Variants in SRI observed in about 807,000 individuals in gnomAD.
SRI encodes 22 kDa protein.
In SRI, 30 loss-of-function variants were observed where a neutral mutation model predicts 33.3. The ratio of observed to expected loss-of-function variants is 0.90; its 90% confidence interval spans 0.67 to 1.22. The LOEUF (loss-of-function observed/expected upper bound fraction) is 1.22. SRI is among the 50% of genes most tolerant of loss of function. The pLI is 0.00. For missense variants in SRI, 243 were observed against 250.8 expected, an observed-to-expected ratio of 0.97 and a Z score of 0.21; for synonymous variants, 75 against 89.9, an observed-to-expected ratio of 0.83 and a Z score of 0.94.
At chr7:88,222,140 A>C (rs1452097987), upstream of SRI, among the ~76,000 whole-genome samples, 1 of 142,480 alleles carries the variant, frequency 7.0e-6, no homozygotes, top group Non-Finnish European at 1.5e-5. Context: ...ATAATGCCGC[A>C]ATAAACATAC....
At chr7:88,222,363 T>A (rs1309845218), upstream of SRI, among the ~76,000 whole-genome samples, 1,809 of 146,266 alleles carry the variant, frequency 0.012, 39 homozygotes, top group African/African-American at 0.04. Flanking sequence ...TTTCCTGACT[T>A]TTTAATGATT....
chr7:88,215,067 C>A, intron 3 of SRI: 1 of 370,044 alleles, frequency 2.7e-6, no homozygotes. Context: ...AGGCTCTGAG[C>A]TGGAGTATCC....
intron 5 of SRI, 43 bp downstream of exon 5, chr7:88,209,940 T>TA: frequency 1.2e-6 from 2 of 1,613,596 alleles, no homozygotes; most frequent in East Asian, 2.2e-5. Flanking sequence ...AAAATCAACT[T>TA]ACTTCTACCA....
intron 7 of SRI, 136 bp downstream of exon 7, chr7:88,208,371 A>G (rs1223788725): frequency 7.0e-7 from 1 of 1,428,382 alleles, no homozygotes; most frequent in Admixed American, 2.8e-5. Context: ...CTGGATGATA[A>G]CTCTTTCTAA....
chr7:88,207,466 G>A (rs1306819010), intron 7 of SRI, among the ~76,000 whole-genome samples: 2 of 152,188 alleles, frequency 1.3e-5, no homozygotes, highest in Admixed American at 1.3e-4. Context: ...AATGGAGAAT[G>A]GAATATTCAG....
intron 3 of SRI, among the ~76,000 whole-genome samples, chr7:88,214,272 G>GT (rs1249680420): frequency 6.6e-6 from 1 of 152,336 alleles, no homozygotes; most frequent in East Asian, 1.9e-4. Context: ...CAGGCAAAGC[G>GT]TAAGTGAATA....
intron 3 of SRI, among the ~76,000 whole-genome samples, chr7:88,214,443 G>A (rs1851657634): frequency 1.3e-5 from 2 of 152,182 alleles, no homozygotes; most frequent in African/African-American, 4.8e-5. Flanking sequence ...CATCTTTTGT[G>A]AGAAGGATCT....
intron 3 of SRI, among the ~76,000 whole-genome samples, chr7:88,216,154 T>G (rs1482129063): frequency 3.3e-5 from 5 of 151,992 alleles, no homozygotes; most frequent in Non-Finnish European, 1.5e-5. Flanking sequence ...ATTTTTAAAT[T>G]TTTTGCAGAG....
intron 7 of SRI, 122 bp downstream of exon 7, chr7:88,208,385 T>C (rs1851484532): frequency 6.9e-7 from 1 of 1,452,114 alleles, no homozygotes; most frequent in Admixed American, 2.7e-5. Flanking sequence ...TTTCTAACTT[T>C]TGAATCCCTT....
intron 7 of SRI, 30 bp from the exon 8 acceptor site, chr7:88,206,534 A>C: frequency 2.5e-6 from 4 of 1,613,416 alleles, no homozygotes; most frequent in Non-Finnish European, 3.4e-6. Flanking sequence ...TATATGACAG[A>C]CCTCAAAGCA....
intron 3 of SRI, among the ~76,000 whole-genome samples, chr7:88,215,740 T>TA (rs148148851): frequency 0.043 from 6,588 of 152,218 alleles, 499 homozygotes; most frequent in African/African-American, 0.15. Context: ...AAATAGTTTT[T>TA]AAAAAAAGGC....
Position 88,219,997 on chromosome 7 carries a change from G to T in SRI, c.30C>A (p.Gly10=). The T allele has an allele frequency of 3.9e-6, 6 of 1,536,882 alleles. No individual in the cohort carries two copies. The highest frequency in any genetic ancestry group is 5.2e-6 in the Non-Finnish European group (6 of 1,146,128). Residue 10 remains glycine (G), a synonymous_variant, in exon 1 of 8, where the codon GGC becomes GGA. Transcript: ENST00000265729. ...TTACCCCGCCTGGGTAGTACCCGCC[G>T]CCGGCGCCAGGATGCCCCGGGTACG... is the stretch of plus-strand genomic sequence containing the variant. MAYPGHPGA[G]GGYYPGGYGG...
upstream of SRI, among the ~76,000 whole-genome samples, chr7:88,223,491 A>G (rs1043029527): frequency 1.5e-4 from 23 of 152,178 alleles, no homozygotes; most frequent in African/African-American, 5.1e-4. Context: ...GAGAGTCTAC[A>G]TACATAGTGG....
chr7:88,220,000 G>GGCGCCAGGATGCCCCGGGT lies in SRI; in HGVS notation c.8_26dup (p.Gly10ProfsTer49). The GGCGCCAGGATGCCCCGGGT allele has an allele frequency of 6.5e-7, 1 of 1,536,646 alleles. No homozygotes were observed. The highest frequency in any genetic ancestry group is 8.7e-7 in the Non-Finnish European group (1 of 1,146,120). ...CCCCGCCTGGGTAGTACCCGCCGCC[G>GGCGCCAGGATGCCCCGGGT]GCGCCAGGATGCCCCGGGTACGCCA... On this transcript the variant is annotated frameshift_variant, in exon 1 of 8. Coordinates refer to ENST00000265729, the MANE Select transcript of SRI (RefSeq NM_003130.4). LOFTEE classifies it high-confidence loss of function.
upstream of SRI, among the ~76,000 whole-genome samples, chr7:88,221,853 C>A (rs1851895671): frequency 1.5e-5 from 2 of 135,972 alleles, no homozygotes; most frequent in South Asian, 5.5e-4. Context: ...CCCACCCCAC[C>A]ACAGTCCCTA....
At chr7:88,223,001 G>A (rs1255103488), upstream of SRI, among the ~76,000 whole-genome samples, 2 of 151,872 alleles carry the variant, frequency 1.3e-5, no homozygotes, top group African/African-American at 4.8e-5. Flanking sequence ...TTGACAAATG[G>A]GATCTAATTA....
At position 88,209,361 on chromosome 7, in the gene SRI, G is replaced by A. The variant is rs758620496; in HGVS notation, c.489C>T (p.Cys163=). The change falls in exon 6 of 8, where the codon TGC becomes TGT. Residue 163 remains cysteine, a synonymous_variant. Transcript: ENST00000265729. The part of the protein sequence containing the change: ...KITFDDYIAC[C]VKLRALTDSF... ...CACCTGTAAGAGCCCTCAGTTTGAC[G>A]CAGCAGGCGATGTAGTCGTCGAAGG... 33 of 1,613,754 alleles carry A rather than the reference G, an allele frequency of 2.0e-5. No homozygotes were observed. Among genetic ancestry groups the A allele is most frequent in the African/African-American group, 1.2e-4 (9 of 74,918 alleles).
chr7:88,212,222 T>A (rs1487642905), intron 3 of SRI, among the ~76,000 whole-genome samples: 1 of 152,256 alleles, frequency 6.6e-6, no homozygotes, highest in Non-Finnish European at 1.5e-5. Flanking sequence ...AATAGATTCC[T>A]GTGTTTGGCA....
At chr7:88,223,902 A>G (rs1851942786), upstream of SRI, among the ~76,000 whole-genome samples, 1 of 152,128 alleles carries the variant, frequency 6.6e-6, no homozygotes, top group African/African-American at 2.4e-5. Flanking sequence ...AGAACGATTT[A>G]CTAAGTCCTA....
Sources: gnomAD v4.1 joint callset for allele counts (sites outside exome capture counted in the v4.1 genomes callset) on GRCh38, gnomAD v4.1.1 for gene constraint, MANE v1.5 for transcripts, NCBI Gene and HGNC (gene_info 2026-07-23, HGNC 2026-07-21) for gene names.